The following KRTAP4-11 variants were observed in gnomAD, a reference collection of about 807,000 sequenced individuals.
KRTAP4-11 encodes the protein keratin-associated protein 4-11.
In KRTAP4-11, 3 loss-of-function variants were observed where a neutral mutation model predicts 3.4. The observed-to-expected ratio is 0.87, with a 90% CI of 0.40 to 2.26. The LOEUF (loss-of-function observed/expected upper bound fraction) is 2.26. Among genes scored for constraint, KRTAP4-11 ranks in the 30% most tolerant of loss-of-function variants. KRTAP4-11 has a pLI of 0.05. For missense variants in KRTAP4-11, 248 were observed against 258.8 expected, an observed-to-expected ratio of 0.96 and a Z score of 0.29; for synonymous variants, 94 against 89.4, an observed-to-expected ratio of 1.05 and a Z score of -0.29.
In KRTAP4-11 at chr17:41,117,270, C is replaced by T. The variant is rs933431258; in HGVS notation, c.*458G>A. The T allele has an allele frequency of 5.7e-6, 1 of 176,276 alleles. No homozygotes were observed. The highest frequency in any genetic ancestry group is 5.7e-5 in the Admixed American group (1 of 17,572). 10.9% of individuals were successfully genotyped at this position (176,276 alleles called of 1,614,324 possible). ...ATAGAAAAATTCTGGCAAACTTGAACAAACAGAGACAAAGAGAGAACAGGG... is the reference window on the plus strand; with the variant it reads ...ATAGAAAAATTCTGGCAAACTTGAATAAACAGAGACAAAGAGAGAACAGGG... On this transcript the variant is annotated 3_prime_UTR_variant, in exon 1 of 1. Coordinates refer to ENST00000391413, the MANE Select transcript of KRTAP4-11 (RefSeq NM_033059.4).
rs200217707 is a variant in KRTAP4-11 at position 41,117,769 on chromosome 17, T to C, written c.547A>G (p.Ser183Gly). ...GCACAGCACAAGGGGCGGGGGCAGC[T>C]GGAGATGACACAGGTTGGGCGATAG... ...TCYRPTCVIS[S>G]CPRPLCCASS... is the part of the protein sequence containing the mutation. The change falls in exon 1 of 1, where the codon AGC becomes GGC. Residue 183 changes from serine (S) to glycine (G), a missense_variant. This residue lies in a region of KRTAP4-11 where 131 missense variants were observed against 130.2 expected (regional missense o/e 1.01). Coordinates refer to ENST00000391413, the MANE Select transcript of KRTAP4-11 (RefSeq NM_033059.4). The C allele has an allele frequency of 2.0e-3, 3,125 of 1,592,978 alleles. 5 individuals carry two copies. The highest frequency in any genetic ancestry group is 2.4e-3 in the Non-Finnish European group (2,855 of 1,170,026).
Position 41,117,650 on chromosome 17 carries a change from G to A in KRTAP4-11, c.*78C>T. 1 of 1,504,726 alleles carries A rather than the reference G, an allele frequency of 6.6e-7. No homozygotes were observed. The highest frequency in any genetic ancestry group is 1.3e-5 in the South Asian group (1 of 74,976). The allele number at this position is 1,504,726 out of a possible 1,614,324, so 93.2% of individuals were successfully genotyped here. ...GAATGACATCAATCCCACTCCATGT[G>A]TCCTAATAGTCAGCACAGAAGAATG... On this transcript the variant is annotated 3_prime_UTR_variant, in exon 1 of 1. Coordinates refer to ENST00000391413, the MANE Select transcript of KRTAP4-11 (RefSeq NM_033059.4).
rs544961548 is a variant in KRTAP4-11, at chr17:41,117,535, C to G, written c.*193G>C. 2.3e-4 allele frequency: 208 copies of G among 906,600 alleles called. No individual in the cohort carries two copies. The highest frequency in any genetic ancestry group is 1.9e-3 in the South Asian group (94 of 48,778). 56.2% of individuals were successfully genotyped at this position (906,600 alleles called of 1,614,324 possible). ...TGCCATGACTGGAAGAGAAAGAAAG[C>G]AAGGGAGGGAGTTTAAAATGAACCA... On this transcript the variant is annotated 3_prime_UTR_variant, in exon 1 of 1. Transcript: ENST00000391413.
At position 41,118,136 on chromosome 17, in the gene KRTAP4-11, G is replaced by A. The variant is rs538982726; in HGVS notation, c.180C>T (p.Cys60=). The change falls in exon 1 of 1, where the codon TGC becomes TGT. Residue 60 remains cysteine, a synonymous_variant. Transcript: ENST00000391413. ...ATCTGGGGCGGCAGCAGGTGGGCTG[G>A]CAGCACACAGACTGGCAGCACTGGG... ...CRPQCCQSVC[C]QPTCCRPRCC... 1.7e-5 allele frequency: 26 copies of A among 1,561,576 alleles called. No individual in the cohort carries two copies. The highest frequency in any genetic ancestry group is 2.1e-5 in the Non-Finnish European group (24 of 1,150,452).
Position 41,117,378 on chromosome 17 carries a change from T to G in KRTAP4-11, c.*350A>C. On this transcript the variant is annotated 3_prime_UTR_variant, in exon 1 of 1. Transcript: ENST00000391413. ...CTGAAAGGCTGACAGACAAATAATA[T>G]GTTTGAAATGGAGATAATGTGTACC... is the stretch of plus-strand genomic sequence containing the variant. The G allele has an allele frequency of 3.0e-6, 1 of 337,086 alleles. No individual in the cohort carries two copies. Among genetic ancestry groups the G allele is most frequent in the Non-Finnish European group, 5.4e-6 (1 of 185,474 alleles). The allele number at this position is 337,086 out of a possible 1,614,324, so 20.9% of individuals were successfully genotyped here.
chr17:41,118,360 A>C lies in KRTAP4-11; in HGVS notation c.-45T>G, dbSNP rs761936896. 3 of 1,540,494 alleles carry C rather than the reference A, an allele frequency of 1.9e-6. 1 individual carries two copies. In the African/African-American group the frequency reaches 4.1e-5, roughly 21 times the overall value. Reference sequence around the variant, plus strand: ...TCTAGTTGGGTTTCTAGGAGAGTGAAGTTCTTGTGTTTGGAAGTCTCCTGG... The same window carrying C: ...TCTAGTTGGGTTTCTAGGAGAGTGACGTTCTTGTGTTTGGAAGTCTCCTGG... On this transcript the variant is annotated 5_prime_UTR_variant, in exon 1 of 1. Transcript: ENST00000391413.
At position 41,118,339 on chromosome 17, in the gene KRTAP4-11, G is replaced by T. The variant is rs778494439; in HGVS notation, c.-24C>A. 11 of 1,574,300 alleles carry T rather than the reference G, an allele frequency of 7.0e-6. No individual in the cohort carries two copies. The South Asian group carries it at 9.6e-5, about 14-fold the overall frequency. On this transcript the variant is annotated 5_prime_UTR_variant, in exon 1 of 1. Transcript: ENST00000391413. ...ATGGTGTCAGAGGGTGAAGGATCTA[G>T]TTGGGTTTCTAGGAGAGTGAAGTTC...
Position 41,118,331 on chromosome 17 carries a change from A to G in KRTAP4-11, c.-16T>C. 1 of 1,584,062 alleles carries G rather than the reference A, an allele frequency of 6.3e-7. No homozygotes were observed. Among genetic ancestry groups the G allele is most frequent in the Non-Finnish European group, 8.6e-7 (1 of 1,164,076 alleles). On this transcript the variant is annotated 5_prime_UTR_variant, in exon 1 of 1. Transcript: ENST00000391413. The stretch of plus-strand genomic sequence containing the variant: ...AGTTTACCATGGTGTCAGAGGGTGA[A>G]GGATCTAGTTGGGTTTCTAGGAGAG...
At position 41,117,599 on chromosome 17, in the gene KRTAP4-11, A is replaced by G. The variant is rs1359155210; in HGVS notation, c.*129T>C. 7.1e-7 allele frequency: 1 copy of G among 1,401,046 alleles called. No individual in the cohort carries two copies. The highest frequency in any genetic ancestry group is 9.5e-7 in the Non-Finnish European group (1 of 1,049,234). The allele number at this position is 1,401,046 out of a possible 1,614,324, so 86.8% of individuals were successfully genotyped here. A position where few individuals can be genotyped will look rare whatever the true frequency, so the allele number is the denominator to read the frequency against. ...GAGTCAGTGGGATGGTGATGGGCTC[A>G]TTGGAAACATGAAGTCCACCCTGCT... On this transcript the variant is annotated 3_prime_UTR_variant, in exon 1 of 1. Transcript: ENST00000391413.
At position 41,117,397 on chromosome 17, in the gene KRTAP4-11, G is replaced by A. The variant is rs367694100; in HGVS notation, c.*331C>T. The A allele has an allele frequency of 2.2e-6, 1 of 446,020 alleles. No individual in the cohort carries two copies. The highest frequency in any genetic ancestry group is 4.0e-6 in the Non-Finnish European group (1 of 252,048). 27.6% of individuals were successfully genotyped at this position (446,020 alleles called of 1,614,324 possible). A position where few individuals can be genotyped will look rare whatever the true frequency, so the allele number is the denominator to read the frequency against. ...ATAATATGTTTGAAATGGAGATAAT[G>A]TGTACCTCACTGGGAAGGATATTCT... On this transcript the variant is annotated 3_prime_UTR_variant, in exon 1 of 1. Coordinates refer to ENST00000391413, the MANE Select transcript of KRTAP4-11 (RefSeq NM_033059.4).
rs1400578390 is a variant in KRTAP4-11 at position 41,118,116 on chromosome 17, G to T, written c.200C>A (p.Pro67His). The change falls in exon 1 of 1, where the codon CCC (proline) becomes CAC (histidine). Residue 67 changes from proline (P) to histidine (H), a missense_variant. Pro to His is a moderately conservative substitution (Grantham distance 77). This residue lies in a region of KRTAP4-11 where 110 missense variants were observed against 102.8 expected (regional missense o/e 1.07). Coordinates refer to ENST00000391413, the MANE Select transcript of KRTAP4-11 (RefSeq NM_033059.4). ...ACAGCAGCTGGAGATGCAGCATCTG[G>T]GGCGGCAGCAGGTGGGCTGGCAGCA... ...SVCCQPTCCR[P>H]RCCISSCCRP... is the part of the protein sequence containing the mutation. 1 of 1,584,908 alleles carries T rather than the reference G, an allele frequency of 6.3e-7. No homozygotes were observed. The highest frequency in any genetic ancestry group is 8.6e-7 in the Non-Finnish European group (1 of 1,167,032).
In KRTAP4-11 at chr17:41,117,197, T is replaced by G. The variant is rs2014295271; in HGVS notation, c.*531A>C. Reference sequence around the variant, plus strand: ...AATAAAAGATTTCTAAATGAAAAGTTTAATACAATATATTTTGTGAACACA... The same window carrying G: ...AATAAAAGATTTCTAAATGAAAAGTGTAATACAATATATTTTGTGAACACA... On this transcript the variant is annotated 3_prime_UTR_variant, in exon 1 of 1. Transcript: ENST00000391413. The G allele has an allele frequency of 6.5e-6, 1 of 155,036 alleles. No homozygotes were observed. The highest frequency in any genetic ancestry group is 1.4e-5 in the Non-Finnish European group (1 of 70,206). The allele number at this position is 155,036 out of a possible 1,614,324, so 9.6% of individuals were successfully genotyped here. A position where few individuals can be genotyped will look rare whatever the true frequency, so the allele number is the denominator to read the frequency against.
rs756553251 is a variant in KRTAP4-11 at position 41,118,311 on chromosome 17, A to G, written c.5T>C (p.Val2Ala). ...GCACACGGAGCCACAACAGGAGTTT[A>G]CCATGGTGTCAGAGGGTGAAGGATC... MVNSCCGSVCSH... is the reference protein window; with the variant it reads MANSCCGSVCSH... The change falls in exon 1 of 1, where the codon GTA (valine) becomes GCA (alanine). Residue 2 changes from valine (V) to alanine (A), a missense_variant. Around this residue, in one of 3 missense-constraint regions of KRTAP4-11, gnomAD observed 110 missense variants for 102.8 expected, o/e 1.07. Coordinates refer to ENST00000391413, the MANE Select transcript of KRTAP4-11 (RefSeq NM_033059.4). 2 of 1,598,886 alleles carry G rather than the reference A, an allele frequency of 1.3e-6. No individual in the cohort carries two copies. Among genetic ancestry groups the G allele is most frequent in the Non-Finnish European group, 1.7e-6 (2 of 1,171,588 alleles).
Position 41,118,295 on chromosome 17 carries a change from G to T in KRTAP4-11, c.21C>A (p.Gly7=), listed in dbSNP as rs770793533. The change falls in exon 1 of 1, where the codon GGC becomes GGA. Residue 7 remains glycine, a synonymous_variant. Coordinates refer to ENST00000391413, the MANE Select transcript of KRTAP4-11 (RefSeq NM_033059.4). MVNSCC[G]SVCSHQGCGR... is the part of the protein sequence containing the mutation. ...CACAGCCTTGGTGAGAGCACACGGA[G>T]CCACAACAGGAGTTTACCATGGTGT... is the stretch of plus-strand genomic sequence containing the variant. 6.2e-7 allele frequency: 1 copy of T among 1,607,372 alleles called. No individual in the cohort carries two copies. Among genetic ancestry groups the T allele is most frequent in the Non-Finnish European group, 8.5e-7 (1 of 1,176,304 alleles).
Position 41,118,246 on chromosome 17 carries a change from A to G in KRTAP4-11, c.70T>C (p.Cys24Arg). ...GCGRDLCQET[C>R]CRPSCCETTC... Reference sequence around the variant, plus strand: ...GTCTCACAGCAGCTGGGGCGGCAGCAGGTCTCCTGGCAGAGGTCTCGGCCA... The same window carrying G: ...GTCTCACAGCAGCTGGGGCGGCAGCGGGTCTCCTGGCAGAGGTCTCGGCCA... Residue 24 changes from cysteine (C) to arginine (R), a missense_variant, in exon 1 of 1, where the codon TGC (cysteine) becomes CGC (arginine). Physicochemically the swap from Cys to Arg is radical, Grantham distance 180. Transcript: ENST00000391413. 1.2e-6 allele frequency: 2 copies of G among 1,613,628 alleles called. No individual in the cohort carries two copies. The highest frequency in any genetic ancestry group is 1.7e-6 in the Non-Finnish European group (2 of 1,179,896).
chr17:41,117,676 G>T lies in KRTAP4-11; in HGVS notation c.*52C>A. The T allele has an allele frequency of 6.5e-7, 1 of 1,533,234 alleles. No homozygotes were observed. The highest frequency in any genetic ancestry group is 1.3e-5 in the South Asian group (1 of 79,306). 95.0% of individuals were successfully genotyped at this position (1,533,234 alleles called of 1,614,324 possible). A position where few individuals can be genotyped will look rare whatever the true frequency, so the allele number is the denominator to read the frequency against. Reference sequence around the variant, plus strand: ...TCCTAATAGTCAGCACAGAAGAATGGTCTACAACTGTGGGCCTGCAGTGAA... The same window carrying T: ...TCCTAATAGTCAGCACAGAAGAATGTTCTACAACTGTGGGCCTGCAGTGAA... On this transcript the variant is annotated 3_prime_UTR_variant, in exon 1 of 1. Transcript: ENST00000391413.
In KRTAP4-11 at chr17:41,117,904, TG is replaced by T. The variant is rs1371255244; in HGVS notation, c.411del (p.Ser138AlafsTer109). The part of the protein sequence containing the change: ...SVCCQPTCCH[P>X]SCSISSCCRP... ...CGGCAGCAGCTGGAGATGCTGCAGC[TG>T]GGGTGGCAGCAGGTGGGCTGGCAGC... is the stretch of plus-strand genomic sequence containing the variant. On this transcript the variant is annotated frameshift_variant, in exon 1 of 1. Coordinates refer to ENST00000391413, the MANE Select transcript of KRTAP4-11 (RefSeq NM_033059.4). LOFTEE classifies it high-confidence loss of function. 1.2e-6 allele frequency: 2 copies of T among 1,605,100 alleles called. No homozygotes were observed. Among genetic ancestry groups the T allele is most frequent in the Non-Finnish European group, 1.7e-6 (2 of 1,174,864 alleles).
In KRTAP4-11 at chr17:41,118,270, C is replaced by T. The variant is rs768252075; in HGVS notation, c.46G>A (p.Gly16Ser). The T allele has an allele frequency of 5.6e-6, 9 of 1,612,700 alleles. No homozygotes were observed. The highest frequency in any genetic ancestry group is 7.6e-6 in the Non-Finnish European group (9 of 1,179,504). ...CGSVCSHQGC[G>S]RDLCQETCCR... ...CAGGTCTCCTGGCAGAGGTCTCGGC[C>T]ACAGCCTTGGTGAGAGCACACGGAG... is the stretch of plus-strand genomic sequence containing the variant. The change falls in exon 1 of 1, where the codon GGC (glycine) becomes AGC (serine). Residue 16 changes from glycine to serine, a missense_variant. Physicochemically the swap from Gly to Ser is moderately conservative, Grantham distance 56. This residue lies in a region of KRTAP4-11 where 110 missense variants were observed against 102.8 expected (regional missense o/e 1.07). Transcript: ENST00000391413.
chr17:41,117,634 C>A lies in KRTAP4-11; in HGVS notation c.*94G>T, dbSNP rs543087573. 22 of 1,480,454 alleles carry A rather than the reference C, an allele frequency of 1.5e-5. No homozygotes were observed. The East Asian group carries it at 3.0e-4, about 20-fold the overall frequency. 91.7% of individuals were successfully genotyped at this position (1,480,454 alleles called of 1,614,324 possible). A position where few individuals can be genotyped will look rare whatever the true frequency, so the allele number is the denominator to read the frequency against. On this transcript the variant is annotated 3_prime_UTR_variant, in exon 1 of 1. Coordinates refer to ENST00000391413, the MANE Select transcript of KRTAP4-11 (RefSeq NM_033059.4). ...TGAAGTCCACCCTGCTGAATGACAT[C>A]AATCCCACTCCATGTGTCCTAATAG...
Sources: gnomAD v4.1 joint callset for allele counts on GRCh38, gnomAD v4.1.1 for gene constraint, gnomAD v4.1.1 regional missense constraint, MANE v1.5 for transcripts, NCBI Gene and HGNC (gene_info 2026-07-23, HGNC 2026-07-21) for gene names.